Variants in TMEM30B observed in about 807,000 individuals in gnomAD.
TMEM30B encodes cell division cycle 50 P4-ATPase accessory subunit B.
A neutral mutation model predicts 27.9 loss-of-function variants in TMEM30B; 25 were observed. That is an observed-to-expected ratio of 0.89 (90% CI 0.65 to 1.25). TMEM30B has a LOEUF of 1.25. Among genes scored for constraint, TMEM30B ranks in the 50% most tolerant of loss-of-function variants. The probability of loss-of-function intolerance (pLI) is 0.00; values close to 1 mark genes in which losing one functional copy is unlikely to be tolerated. For missense variants in TMEM30B, 536 were observed against 506.5 expected (o/e 1.06, Z -0.56); for synonymous variants, 248 against 238.5 (o/e 1.04, Z -0.37).
chr14:61,281,175 G>T lies in TMEM30B; in HGVS notation c.-28C>A. ...CGGCCGCGCGGGGACCGACGCGCGG[G>T]CTGACCGAGTGGGGGCCCCGCCGCG... On this transcript the variant is annotated 5_prime_UTR_variant, in exon 1 of 1. Coordinates refer to ENST00000555868, the MANE Select transcript of TMEM30B (RefSeq NM_001017970.3). 1 of 1,282,520 alleles carries T rather than the reference G, an allele frequency of 7.8e-7. No individual in the cohort carries two copies. The highest frequency in any genetic ancestry group is 9.9e-7 in the Non-Finnish European group (1 of 1,012,602). The allele number at this position is 1,282,520 out of a possible 1,614,324, so 79.4% of individuals were successfully genotyped here.
chr14:61,281,072 A>G lies in TMEM30B; in HGVS notation c.76T>C (p.Trp26Arg). Residue 26 changes from tryptophan to arginine, a missense_variant, in exon 1 of 1, where the codon TGG (tryptophan) becomes CGG (arginine). Transcript: ENST00000555868. ...TAFTQQRLPA[W>R]QPLLSASIAL... Reference sequence around the variant, plus strand: ...ATGCTGGCCGACAGCAGCGGCTGCCAGGCGGGGAGGCGCTGCTGAGTGAAG... The same window carrying G: ...ATGCTGGCCGACAGCAGCGGCTGCCGGGCGGGGAGGCGCTGCTGAGTGAAG... 1 of 1,517,362 alleles carries G rather than the reference A, an allele frequency of 6.6e-7. No homozygotes were observed. Among genetic ancestry groups the G allele is most frequent in the Non-Finnish European group, 8.8e-7 (1 of 1,136,760 alleles). 94.0% of individuals were successfully genotyped at this position (1,517,362 alleles called of 1,614,324 possible).
At position 61,278,301 on chromosome 14, in the gene TMEM30B, C is replaced by T. The variant is rs2045222619; in HGVS notation, c.*1791G>A. Reference sequence around the variant, plus strand: ...ATAGCCTAAAATCACCATACAAAATCTAATAATAAAATTGTGTCGTGTTCA... The same window carrying T: ...ATAGCCTAAAATCACCATACAAAATTTAATAATAAAATTGTGTCGTGTTCA... On this transcript the variant is annotated 3_prime_UTR_variant, in exon 1 of 1. Coordinates refer to ENST00000555868, the MANE Select transcript of TMEM30B (RefSeq NM_001017970.3). The T allele has an allele frequency of 6.6e-6, 1 of 152,132 alleles. No individual in the cohort carries two copies. The allele number at this position is 152,132 out of a possible 1,614,324, so 9.4% of individuals were successfully genotyped here.
chr14:61,278,783 TG>T lies in TMEM30B; in HGVS notation c.*1308del, dbSNP rs1274858638. On this transcript the variant is annotated 3_prime_UTR_variant, in exon 1 of 1. Transcript: ENST00000555868. ...ATGTTAATCAATAAAATCAATGGAATGATTTTAGTTGAGTGTAAACTTCATC... is the reference window on the plus strand; with the variant it reads ...ATGTTAATCAATAAAATCAATGGAATATTTTAGTTGAGTGTAAACTTCATC... The T allele has an allele frequency of 6.6e-6, 1 of 152,208 alleles. No homozygotes were observed. Among genetic ancestry groups the T allele is most frequent in the Non-Finnish European group, 1.5e-5 (1 of 68,032 alleles). The allele number at this position is 152,208 out of a possible 1,614,324, so 9.4% of individuals were successfully genotyped here. A position where few individuals can be genotyped will look rare whatever the true frequency, so the allele number is the denominator to read the frequency against.
Position 61,280,040 on chromosome 14 carries a change from C to G in TMEM30B, c.*52G>C. On this transcript the variant is annotated 3_prime_UTR_variant, in exon 1 of 1. Coordinates refer to ENST00000555868, the MANE Select transcript of TMEM30B (RefSeq NM_001017970.3). This position sits in a 1 kb window ranked among gnomAD's most constrained non-coding sequence, Gnocchi z 5.0. ...ACGGGCGAGGAGGAGATGCCAAAAG[C>G]ACCTTGCAAGAGTTTTGGCAAGAAG... 6.1e-6 allele frequency: 9 copies of G among 1,482,314 alleles called. No homozygotes were observed. Among genetic ancestry groups the G allele is most frequent in the Non-Finnish European group, 8.1e-6 (9 of 1,104,308 alleles). The allele number at this position is 1,482,314 out of a possible 1,614,324, so 91.8% of individuals were successfully genotyped here. A position where few individuals can be genotyped will look rare whatever the true frequency, so the allele number is the denominator to read the frequency against.
At position 61,278,373 on chromosome 14, in the gene TMEM30B, A is replaced by C. The variant is rs545048360; in HGVS notation, c.*1719T>G. Reference sequence around the variant, plus strand: ...TAAATTAACAAAGTATTTTTGGTATATGTAAATAATGGGATAGAATCTCTC... The same window carrying C: ...TAAATTAACAAAGTATTTTTGGTATCTGTAAATAATGGGATAGAATCTCTC... On this transcript the variant is annotated 3_prime_UTR_variant, in exon 1 of 1. Coordinates refer to ENST00000555868, the MANE Select transcript of TMEM30B (RefSeq NM_001017970.3). 2.6e-5 allele frequency: 4 copies of C among 152,338 alleles called. No individual in the cohort carries two copies. Among genetic ancestry groups the C allele is most frequent in the African/African-American group, 9.6e-5 (4 of 41,578 alleles). The allele number at this position is 152,338 out of a possible 1,614,324, so 9.4% of individuals were successfully genotyped here.
At position 61,280,815 on chromosome 14, in the gene TMEM30B, G is replaced by A; in HGVS notation, c.333C>T (p.Tyr111=). The A allele has an allele frequency of 6.4e-7, 1 of 1,565,122 alleles. No homozygotes were observed. Among genetic ancestry groups the A allele is most frequent in the Non-Finnish European group, 8.6e-7 (1 of 1,164,486 alleles). ...TCTGGTAGAAGTTGGTCAGCTCGTAGTAGAGGTACACTGGGCCCTGGAAGA... is the reference window on the plus strand; with the variant it reads ...TCTGGTAGAAGTTGGTCAGCTCGTAATAGAGGTACACTGGGCCCTGGAAGA... ...PELFQGPVYL[Y]YELTNFYQNN... The change falls in exon 1 of 1, where the codon TAC becomes TAT. Residue 111 remains tyrosine (Y), a synonymous_variant. Transcript: ENST00000555868. This position sits in a 1 kb window ranked among gnomAD's most constrained non-coding sequence, Gnocchi z 5.0.
chr14:61,280,784 GGTT>G lies in TMEM30B; in HGVS notation c.361_363del (p.Asn121del). 1.3e-6 allele frequency: 2 copies of G among 1,555,472 alleles called. No homozygotes were observed. Among genetic ancestry groups the G allele is most frequent in the Non-Finnish European group, 8.6e-7 (1 of 1,159,720 alleles). Reference sequence around the variant, plus strand: ...TCGTCGCGGGACACGCCGTAGCGCCGGTTGTTCTGGTAGAAGTTGGTCAGCTCG... The same window carrying G: ...TCGTCGCGGGACACGCCGTAGCGCCGGTTCTGGTAGAAGTTGGTCAGCTCG... On this transcript the variant is annotated inframe_deletion, in exon 1 of 1. Coordinates refer to ENST00000555868, the MANE Select transcript of TMEM30B (RefSeq NM_001017970.3). The surrounding 1 kb of genome is among the most constrained non-coding windows in gnomAD (Gnocchi z 5.0).
rs1594888164 is a variant in TMEM30B, at chr14:61,280,144, A to G, written c.1004T>C (p.Met335Thr). The G allele has an allele frequency of 6.2e-7, 1 of 1,614,024 alleles. No homozygotes were observed. The highest frequency in any genetic ancestry group is 8.5e-7 in the Non-Finnish European group (1 of 1,179,950). ...CTGGTAGCGAATGTAGACGACCAGC[A>G]TGACAAAGCCGGTGAGGATGCAGAG... ...GSLCILTGFV[M>T]LVVYIRYQDQ... Residue 335 changes from methionine (M) to threonine (T), a missense_variant, in exon 1 of 1, where the codon ATG (methionine) becomes ACG (threonine). Physicochemically the swap from Met to Thr is moderately conservative, Grantham distance 81 (BLOSUM62 -1). Transcript: ENST00000555868. The surrounding 1 kb of genome is among the most constrained non-coding windows in gnomAD (Gnocchi z 5.0).
Position 61,277,742 on chromosome 14 carries a change from A to C in TMEM30B, c.*2350T>G, listed in dbSNP as rs1362681021. On this transcript the variant is annotated 3_prime_UTR_variant, in exon 1 of 1. Transcript: ENST00000555868. ...TTTGAGGACTATCTAGTTTATATAC[A>C]TGTTGAGGTTGATAAAGTATTGAGG... is the stretch of plus-strand genomic sequence containing the variant. The C allele has an allele frequency of 6.6e-6, 1 of 152,238 alleles. No homozygotes were observed. Among genetic ancestry groups the C allele is most frequent in the Non-Finnish European group, 1.5e-5 (1 of 68,046 alleles). The allele number at this position is 152,238 out of a possible 1,614,324, so 9.4% of individuals were successfully genotyped here.
In TMEM30B at chr14:61,281,027, A is replaced by C; in HGVS notation, c.121T>G (p.Cys41Gly). The C allele has an allele frequency of 6.5e-7, 1 of 1,533,102 alleles. No individual in the cohort carries two copies. The highest frequency in any genetic ancestry group is 8.8e-7 in the Non-Finnish European group (1 of 1,142,548). 95.0% of individuals were successfully genotyped at this position (1,533,102 alleles called of 1,614,324 possible). A position where few individuals can be genotyped will look rare whatever the true frequency, so the allele number is the denominator to read the frequency against. ...AGGCCGATGAAGGCCAGGCCCGCGC[A>C]GAAGAAGAGCGGCAGCGCGATGCTG... ...SASIALPLFF[C>G]AGLAFIGLGL... Residue 41 changes from cysteine to glycine, a missense_variant, in exon 1 of 1, where the codon TGC (cysteine) becomes GGC (glycine). By Grantham distance (159) the Cys-to-Gly change is radical (BLOSUM62 -3). Transcript: ENST00000555868.
chr14:61,280,559 C>T lies in TMEM30B; in HGVS notation c.589G>A (p.Ala197Thr), dbSNP rs758938304. Residue 197 changes from alanine (A) to threonine (T), a missense_variant, in exon 1 of 1, where the codon GCC becomes ACC. Transcript: ENST00000555868. The surrounding 1 kb of genome is among the most constrained non-coding windows in gnomAD (Gnocchi z 5.0). Reference protein sequence around the residue: ...VEVPLDRSGIAWWTDYHVKFR... With the variant: ...VEVPLDRSGITWWTDYHVKFR... ...TTGACGTGGTAGTCGGTCCACCAGG[C>T]GATGCCGGAGCGGTCGAGCGGCACC... The T allele has an allele frequency of 1.9e-6, 3 of 1,609,632 alleles. No individual in the cohort carries two copies. In the Middle Eastern group the frequency reaches 5.0e-4, roughly 266 times the overall value.
Position 61,280,989 on chromosome 14 carries a change from G to A in TMEM30B, c.159C>T (p.Leu53=). The part of the protein sequence containing the change: ...GLAFIGLGLG[L]YYSSNGIKEL... ...CCTTGATGCCGTTGGAGGAGTAGTA[G>A]AGGCCCAGGCCCAGGCCGATGAAGG... The change falls in exon 1 of 1, where the codon CTC becomes CTT. Residue 53 remains leucine (L), a synonymous_variant. Coordinates refer to ENST00000555868, the MANE Select transcript of TMEM30B (RefSeq NM_001017970.3). The surrounding 1 kb of genome is among the most constrained non-coding windows in gnomAD (Gnocchi z 5.0). 6.5e-7 allele frequency: 1 copy of A among 1,542,360 alleles called. No individual in the cohort carries two copies. Among genetic ancestry groups the A allele is most frequent in the South Asian group, 1.2e-5 (1 of 83,566 alleles).
Position 61,278,701 on chromosome 14 carries a change from A to G in TMEM30B, c.*1391T>C, listed in dbSNP as rs1247297694. On this transcript the variant is annotated 3_prime_UTR_variant, in exon 1 of 1. Coordinates refer to ENST00000555868, the MANE Select transcript of TMEM30B (RefSeq NM_001017970.3). Reference sequence around the variant, plus strand: ...AAAGGGTTTTAAGTTATTTTGCTATACAAGGTTTTTAAAAATAAACTATTG... The same window carrying G: ...AAAGGGTTTTAAGTTATTTTGCTATGCAAGGTTTTTAAAAATAAACTATTG... 1 of 152,178 alleles carries G rather than the reference A, an allele frequency of 6.6e-6. No homozygotes were observed. The highest frequency in any genetic ancestry group is 1.5e-5 in the Non-Finnish European group (1 of 68,016). 9.4% of individuals were successfully genotyped at this position (152,178 alleles called of 1,614,324 possible).
rs1265433309 is a variant in TMEM30B at position 61,280,428 on chromosome 14, G to A, written c.720C>T (p.Pro240=). Residue 240 remains proline, a synonymous_variant, in exon 1 of 1, where the codon CCC becomes CCT. Transcript: ENST00000555868. The surrounding 1 kb of genome is among the most constrained non-coding windows in gnomAD (Gnocchi z 5.0). ...RRPVYELSPD[P]NNTGFINQDF... is the part of the protein sequence containing the mutation. ...CCTGATTGATGAAGCCGGTGTTGTT[G>A]GGGTCGGGGCTGAGCTCGTAGACTG... 1 of 1,614,010 alleles carries A rather than the reference G, an allele frequency of 6.2e-7. No homozygotes were observed. Among genetic ancestry groups the A allele is most frequent in the Non-Finnish European group, 8.5e-7 (1 of 1,179,890 alleles).
chr14:61,280,916 C>A lies in TMEM30B; in HGVS notation c.232G>T (p.Val78Leu), dbSNP rs769453944. The A allele has an allele frequency of 1.9e-6, 3 of 1,545,052 alleles. No homozygotes were observed. Among genetic ancestry groups the A allele is most frequent in the Non-Finnish European group, 2.6e-6 (3 of 1,150,024 alleles). Residue 78 changes from valine (V) to leucine (L), a missense_variant, in exon 1 of 1, where the codon GTG (valine) becomes TTG (leucine). Val to Leu is a conservative substitution (Grantham distance 32, BLOSUM62 1). Coordinates refer to ENST00000555868, the MANE Select transcript of TMEM30B (RefSeq NM_001017970.3). The surrounding 1 kb of genome is among the most constrained non-coding windows in gnomAD (Gnocchi z 5.0). ...TGDPGTGNCS[V>L]CAAAGQGRAL... is the part of the protein sequence containing the mutation. ...CGGCCCTGGCCAGCCGCGGCGCACA[C>A]CGAGCAGTTACCGGTGCCCGGGTCG...
chr14:61,280,989 G>T lies in TMEM30B; in HGVS notation c.159C>A (p.Leu53=). The T allele has an allele frequency of 6.5e-7, 1 of 1,542,360 alleles. No individual in the cohort carries two copies. The highest frequency in any genetic ancestry group is 1.2e-5 in the South Asian group (1 of 83,566). Residue 53 remains leucine, a synonymous_variant, in exon 1 of 1, where the codon CTC becomes CTA. Transcript: ENST00000555868. This position sits in a 1 kb window ranked among gnomAD's most constrained non-coding sequence, Gnocchi z 5.0. Reference sequence around the variant, plus strand: ...CCTTGATGCCGTTGGAGGAGTAGTAGAGGCCCAGGCCCAGGCCGATGAAGG... The same window carrying T: ...CCTTGATGCCGTTGGAGGAGTAGTATAGGCCCAGGCCCAGGCCGATGAAGG... ...GLAFIGLGLG[L]YYSSNGIKEL...
chr14:61,280,981 G>A lies in TMEM30B; in HGVS notation c.167C>T (p.Ser56Phe). 1.9e-6 allele frequency: 3 copies of A among 1,542,830 alleles called. No homozygotes were observed. The East Asian group carries it at 7.4e-5, about 38-fold the overall frequency. Residue 56 changes from serine (S) to phenylalanine (F), a missense_variant, in exon 1 of 1, where the codon TCC (serine) becomes TTC (phenylalanine). Physicochemically the swap from Ser to Phe is radical, Grantham distance 155. Coordinates refer to ENST00000555868, the MANE Select transcript of TMEM30B (RefSeq NM_001017970.3). This position sits in a 1 kb window ranked among gnomAD's most constrained non-coding sequence, Gnocchi z 5.0. ...CTCCAGCTCCTTGATGCCGTTGGAG[G>A]AGTAGTAGAGGCCCAGGCCCAGGCC... ...FIGLGLGLYYSSNGIKELEYD... is the reference protein window; with the variant it reads ...FIGLGLGLYYFSNGIKELEYD...
rs889975268 is a variant in TMEM30B, at chr14:61,279,834, A to G, written c.*258T>C. On this transcript the variant is annotated 3_prime_UTR_variant, in exon 1 of 1. Transcript: ENST00000555868. ...CACTCTCAGACTTGAAGAACCTCAC[A>G]TGGCAACTCAGTGTCGTGAAGGAGG... is the stretch of plus-strand genomic sequence containing the variant. 1.4e-5 allele frequency: 7 copies of G among 487,662 alleles called. No homozygotes were observed. The highest frequency in any genetic ancestry group is 2.6e-5 in the Non-Finnish European group (7 of 273,892). 30.2% of individuals were successfully genotyped at this position (487,662 alleles called of 1,614,324 possible).
Position 61,279,796 on chromosome 14 carries a change from T to C in TMEM30B, c.*296A>G. 1 of 411,788 alleles carries C rather than the reference T, an allele frequency of 2.4e-6. No homozygotes were observed. The highest frequency in any genetic ancestry group is 4.4e-6 in the Non-Finnish European group (1 of 227,620). The allele number at this position is 411,788 out of a possible 1,614,324, so 25.5% of individuals were successfully genotyped here. ...AATAGGGGTTTAATAGGAGTCTCCATAGGGATCCCTTCCACTCTCAGACTT... is the reference window on the plus strand; with the variant it reads ...AATAGGGGTTTAATAGGAGTCTCCACAGGGATCCCTTCCACTCTCAGACTT... On this transcript the variant is annotated 3_prime_UTR_variant, in exon 1 of 1. Transcript: ENST00000555868.
Sources: gnomAD v4.1 joint callset for allele counts on GRCh38, gnomAD v4.1.1 for gene constraint, Gnocchi (gnomAD v3.1) non-coding constraint, MANE v1.5 for transcripts, NCBI Gene and HGNC (gene_info 2026-07-23, HGNC 2026-07-21) for gene names.